The following FAT3 variants were observed in gnomAD, a reference collection of about 807,000 sequenced individuals.
The protein encoded by FAT3 is FAT atypical cadherin 3, also known as protocadherin Fat 3.
In FAT3, 95 loss-of-function variants were observed where a neutral mutation model predicts 310.2. The ratio of observed to expected loss-of-function variants is 0.31; its 90% CI spans 0.26 to 0.36. The LOEUF is 0.36. FAT3 is among the 10% of genes least tolerant of loss of function. The probability of loss-of-function intolerance (pLI) is 1.00; values close to 1 mark genes in which losing one functional copy is unlikely to be tolerated. For missense variants in FAT3, 5,408 were observed against 5,715.6 expected (o/e 0.95, Z 1.74); for synonymous variants, 2,314 against 2,192.9 (o/e 1.06, Z -1.54).
At chr11:92,788,630 G>A (rs1946960514) in intron 7 of FAT3, among the ~76,000 whole-genome samples, 1 of 152,102 alleles carries the variant, frequency 6.6e-6, no homozygotes, top group South Asian at 2.1e-4. Context: ...CAGATATTAT[G>A]TATCTCCAGA....
At chr11:92,504,053 A>C (rs1953026920) in intron 2 of FAT3, among the ~76,000 whole-genome samples, 1 of 152,168 alleles carries the variant, frequency 6.6e-6, no homozygotes, top group South Asian at 2.1e-4. Context: ...AAGTGACTTG[A>C]ACATTTCCAT....
intron 1 of FAT3, among the ~76,000 whole-genome samples, chr11:92,326,526 A>G (rs1164845145): frequency 1.3e-5 from 2 of 152,244 alleles, no homozygotes; most frequent in African/African-American, 4.8e-5. Flanking sequence ...ACCTGTCCGA[A>G]AGCCCAGCCT....
intron 3 of FAT3, among the ~76,000 whole-genome samples, chr11:92,662,499 C>T (rs1348280928): frequency 3.9e-5 from 6 of 152,190 alleles, no homozygotes; most frequent in Non-Finnish European, 8.8e-5. Context: ...GAGGTTACAG[C>T]CTGGATTTAG....
chr11:92,655,747 A>G (rs1036547026), intron 3 of FAT3, among the ~76,000 whole-genome samples: 1 of 152,084 alleles, frequency 6.6e-6, no homozygotes, highest in Non-Finnish European at 1.5e-5. Context: ...GTATTCAGCT[A>G]TTCAACGTTC....
intron 3 of FAT3, among the ~76,000 whole-genome samples, chr11:92,579,982 A>C (rs1445490545): frequency 1.3e-5 from 2 of 152,150 alleles, no homozygotes; most frequent in African/African-American, 4.8e-5. Context: ...AATTTGTCAT[A>C]GGCTAGAATA....
At chr11:92,295,951 A>G (rs775035688) in intron 1 of FAT3, among the ~76,000 whole-genome samples, 1 of 152,150 alleles carries the variant, frequency 6.6e-6, no homozygotes, top group Non-Finnish European at 1.5e-5. Context: ...GGGCACATGC[A>G]GCCGCCACCA....
At chr11:92,486,137 T>G (rs1258089460) in intron 2 of FAT3, among the ~76,000 whole-genome samples, 1 of 126,026 alleles carries the variant, frequency 7.9e-6, no homozygotes, top group African/African-American at 3.1e-5. Context: ...GGGGTTTTTT[T>G]TTTTTTTTTT....
At chr11:92,484,505 A>G (rs1046567502) in intron 2 of FAT3, among the ~76,000 whole-genome samples, 20 of 152,200 alleles carry the variant, frequency 1.3e-4, no homozygotes, top group African/African-American at 4.3e-4. Flanking sequence ...GGAAAGGGCG[A>G]TGATGAAAAA....
chr11:92,756,290 T>A (rs562573989), intron 4 of FAT3, among the ~76,000 whole-genome samples: 1 of 152,296 alleles, frequency 6.6e-6, no homozygotes, highest in South Asian at 2.1e-4. Flanking sequence ...AAGAGTTCAA[T>A]GACAATGATG....
At chr11:92,846,203 C>T (rs542725277) in intron 19 of FAT3, among the ~76,000 whole-genome samples, 21 of 152,244 alleles carry the variant, frequency 1.4e-4, no homozygotes, top group African/African-American at 4.1e-4. Flanking sequence ...CAGGACAGGA[C>T]AGGGTAGACC....
rs116080942 is a variant in FAT3 at position 92,303,940 on chromosome 11, T to A, written c.-17-48156T>A. On this transcript the variant is annotated intron_variant, in intron 1 of 27. Coordinates refer to ENST00000525166, the MANE Select transcript of FAT3 (RefSeq NM_001367949.2). ...GCAGAACCTTTTTTTCGCAATTGTG[T>A]GGTTACAAAAAGATTTCAGTTGATG... is the stretch of plus-strand genomic sequence containing the variant. Among the ~76,000 whole-genome samples the A allele has an allele frequency of 8.8e-3, 1,339 of 152,240 alleles. 18 individuals carry two copies. Among genetic ancestry groups the A allele is most frequent in the African/African-American group, 0.03 (1,260 of 41,546 alleles).
chr11:92,457,887 A>C (rs1422430373), intron 2 of FAT3, among the ~76,000 whole-genome samples: 2 of 152,204 alleles, frequency 1.3e-5, no homozygotes, highest in Admixed American at 1.3e-4. Context: ...ATGCCACTGC[A>C]CTCCAGCCTG....
At chr11:92,567,803 G>A (rs146265481) in intron 3 of FAT3, among the ~76,000 whole-genome samples, 287 of 150,768 alleles carry the variant, frequency 1.9e-3, no homozygotes, top group African/African-American at 6.6e-3. Flanking sequence ...ACCAAGCACC[G>A]CATATTCTCA....
intron 2 of FAT3, among the ~76,000 whole-genome samples, chr11:92,465,943 T>G (rs1322283223): frequency 6.6e-6 from 1 of 152,142 alleles, no homozygotes; most frequent in Non-Finnish European, 1.5e-5. Flanking sequence ...ATCAACAAAG[T>G]CACAGATGTA....
At chr11:92,713,430 T>C (rs1944585893) in intron 4 of FAT3, among the ~76,000 whole-genome samples, 3 of 152,218 alleles carry the variant, frequency 2.0e-5, no homozygotes, top group Admixed American at 2.0e-4. Flanking sequence ...TCTAAAGTGC[T>C]CAATTTTTTT....
In FAT3 at chr11:92,353,735, A is replaced by T. The variant is rs776156851; in HGVS notation, c.1623A>T (p.Glu541Asp). Residue 541 changes from glutamate to aspartate, a missense_variant, in exon 2 of 28, where the codon GAA becomes GAT. Around this residue, in one of 5 missense-constraint regions of FAT3, gnomAD observed 4,588 missense variants for 4,809.8 expected, o/e 0.95. Transcript: ENST00000525166. The part of the protein sequence containing the change: ...TEELDFESSP[E>D]IYRFIVRASD... ...AACTGGATTTTGAATCCTCCCCAGAAATTTACAGATTCATTGTTAGAGCCT... is the reference window on the plus strand; with the variant it reads ...AACTGGATTTTGAATCCTCCCCAGATATTTACAGATTCATTGTTAGAGCCT... 1.2e-6 allele frequency: 2 copies of T among 1,613,780 alleles called. No individual in the cohort carries two copies. The highest frequency in any genetic ancestry group is 4.5e-5 in the East Asian group (2 of 44,886).
At chr11:92,386,330 A>G (rs1949617707) in intron 2 of FAT3, among the ~76,000 whole-genome samples, 1 of 152,180 alleles carries the variant, frequency 6.6e-6, no homozygotes. Flanking sequence ...TTGCTGATAA[A>G]ATATGGACAC....
intron 3 of FAT3, among the ~76,000 whole-genome samples, chr11:92,685,396 T>G (rs1565512069): frequency 6.6e-6 from 1 of 151,942 alleles, no homozygotes; most frequent in Non-Finnish European, 1.5e-5. Context: ...ATAGCAATAA[T>G]CATCGCAGCA....
At chr11:92,747,347 C>T (rs1945700600) in intron 4 of FAT3, among the ~76,000 whole-genome samples, 1 of 152,222 alleles carries the variant, frequency 6.6e-6, no homozygotes, top group Admixed American at 6.5e-5. Context: ...TATGTTGGCC[C>T]CTTTTAGCCA....
Sources: allele counts gnomAD v4.1 joint callset (sites outside exome capture counted in the v4.1 genomes callset), GRCh38; gene constraint gnomAD v4.1.1; regional missense constraint gnomAD v4.1.1; transcripts MANE v1.5; gene names NCBI Gene and HGNC (gene_info 2026-07-23, HGNC 2026-07-21).